The following ZNF804A variants were observed in gnomAD, a reference collection of about 807,000 sequenced individuals.
The protein encoded by ZNF804A is zinc finger protein 804A.
ZNF804A carries 2 observed loss-of-function variants against 16.5 expected under a neutral mutation model. That is an observed-to-expected ratio of 0.12 (90% CI 0.05 to 0.38). ZNF804A has a LOEUF of 0.38. ZNF804A is among the 10% of genes least tolerant of loss of function. The probability of loss-of-function intolerance (pLI) is 0.99; values close to 1 mark genes in which losing one functional copy is unlikely to be tolerated. For synonymous variants in ZNF804A, 534 were observed against 489.6 expected (o/e 1.09, Z -1.20); for missense variants, 1,473 against 1,390.7 (o/e 1.06, Z -0.94).
At chr2:184,861,048 T>C (rs906649497) in intron 1 of ZNF804A, among the ~76,000 whole-genome samples, 1 of 152,190 alleles carries the variant, frequency 6.6e-6, no homozygotes, top group Non-Finnish European at 1.5e-5. Context: ...AGCCTAGGGC[T>C]ATAGAATCTA....
intron 1 of ZNF804A, among the ~76,000 whole-genome samples, chr2:184,674,606 G>C (rs914323247): frequency 2.0e-5 from 3 of 151,678 alleles, no homozygotes; most frequent in Non-Finnish European, 3.0e-5. Context: ...AAAATGAAGA[G>C]GATAAGGGAA....
intron 1 of ZNF804A, among the ~76,000 whole-genome samples, chr2:184,798,736 A>G (rs1168783100): frequency 4.6e-5 from 7 of 152,092 alleles, no homozygotes; most frequent in African/African-American, 1.7e-4. Flanking sequence ...TCTCAGATAA[A>G]TCAGGGATTT....
At chr2:184,677,237 T>C (rs1448051290) in intron 1 of ZNF804A, among the ~76,000 whole-genome samples, 1 of 151,934 alleles carries the variant, frequency 6.6e-6, no homozygotes, top group Non-Finnish European at 1.5e-5. Flanking sequence ...TCAAGAGATA[T>C]AATCAACAAT....
intron 1 of ZNF804A, among the ~76,000 whole-genome samples, chr2:184,599,419 C>T (rs533388341): frequency 1.3e-5 from 2 of 152,112 alleles, no homozygotes; most frequent in African/African-American, 4.8e-5. Context: ...TTTTGTTTGG[C>T]TTAGGAGGCT....
intron 2 of ZNF804A, among the ~76,000 whole-genome samples, chr2:184,885,190 C>T (rs1229048458): frequency 2.6e-5 from 4 of 152,036 alleles, no homozygotes; most frequent in Non-Finnish European, 4.4e-5. Context: ...AAAAAAACGA[C>T]AGGCTCTAGC....
At position 184,897,521 on chromosome 2, in the gene ZNF804A, T is replaced by G. The variant is rs146221353; in HGVS notation, c.255+31009T>G. 3.4e-3 allele frequency among the ~76,000 whole-genome samples: 519 copies of G among 152,150 alleles called. 6 individuals are homozygous for G. Among genetic ancestry groups the G allele is most frequent in the African/African-American group, 0.012 (488 of 41,526 alleles). ...TTTTTGGATGGAGTCACTCATTATG[T>G]GTAGCTCATACTTAATAAGTAAAGT... On this transcript the variant is annotated intron_variant, in intron 2 of 3. Transcript: ENST00000302277.
At chr2:184,599,444 A>G (rs1370528849) in intron 1 of ZNF804A, among the ~76,000 whole-genome samples, 2 of 152,186 alleles carry the variant, frequency 1.3e-5, no homozygotes, top group Non-Finnish European at 2.9e-5. Flanking sequence ...GTGAATGAGG[A>G]TGTGGCTGTC....
At chr2:184,656,676 A>G (rs1394382990) in intron 1 of ZNF804A, among the ~76,000 whole-genome samples, 1 of 151,914 alleles carries the variant, frequency 6.6e-6, no homozygotes, top group African/African-American at 2.4e-5. Context: ...TTGTGTGTGT[A>G]TATATACATA....
chr2:184,682,639 A>G (rs965706412), intron 1 of ZNF804A, among the ~76,000 whole-genome samples: 2 of 152,204 alleles, frequency 1.3e-5, no homozygotes, highest in African/African-American at 2.4e-5. Flanking sequence ...AAAACAAACA[A>G]AATGAATTAT....
chr2:184,640,721 A>T (rs561878027), intron 1 of ZNF804A, among the ~76,000 whole-genome samples: 138 of 152,314 alleles, frequency 9.1e-4, no homozygotes, highest in South Asian at 1.9e-3. Flanking sequence ...TATTAGAATA[A>T]AAGATAAAAG....
intron 1 of ZNF804A, among the ~76,000 whole-genome samples, chr2:184,711,987 T>A (rs1238708098): frequency 6.6e-6 from 1 of 151,768 alleles, no homozygotes; most frequent in Non-Finnish European, 1.5e-5. Flanking sequence ...ATAATTATAA[T>A]CTTTTTCTGT....
chr2:184,605,312 C>T (rs1691127652), intron 1 of ZNF804A, among the ~76,000 whole-genome samples: 1 of 152,012 alleles, frequency 6.6e-6, no homozygotes, highest in Admixed American at 6.6e-5. Flanking sequence ...TTTTATATTG[C>T]TAACCACAAT....
At chr2:184,891,892 T>G (rs1396758085) in intron 2 of ZNF804A, among the ~76,000 whole-genome samples, 1 of 152,226 alleles carries the variant, frequency 6.6e-6, no homozygotes, top group African/African-American at 2.4e-5. Context: ...TTAGTCACAT[T>G]GCAGTGTTTA....
At chr2:184,721,136 A>C (rs953462481) in intron 1 of ZNF804A, among the ~76,000 whole-genome samples, 3 of 152,196 alleles carry the variant, frequency 2.0e-5, no homozygotes, top group African/African-American at 7.2e-5. Context: ...CAAAACTATT[A>C]AAATCCTAGA....
chr2:184,857,806 A>G (rs1695725803), intron 1 of ZNF804A, among the ~76,000 whole-genome samples: 1 of 152,088 alleles, frequency 6.6e-6, no homozygotes, highest in South Asian at 2.1e-4. Context: ...TTGCATGTAC[A>G]TCTTTTTTCA....
chr2:184,620,844 G>T (rs538211368), intron 1 of ZNF804A, among the ~76,000 whole-genome samples: 1 of 151,578 alleles, frequency 6.6e-6, no homozygotes, highest in African/African-American at 2.4e-5. Context: ...ACATCCTATC[G>T]ATATTTTTAT....
intron 1 of ZNF804A, among the ~76,000 whole-genome samples, chr2:184,717,609 G>T (rs72901817): frequency 0.052 from 7,885 of 152,258 alleles, 260 homozygotes; most frequent in Non-Finnish European, 0.077. Context: ...AAGGGTTATT[G>T]CATTACATGT....
chr2:184,856,486 T>C (rs1348219478), intron 1 of ZNF804A, among the ~76,000 whole-genome samples: 2 of 152,142 alleles, frequency 1.3e-5, no homozygotes, highest in Non-Finnish European at 2.9e-5. Context: ...ACTGTGTTGC[T>C]TAGTTACCCT....
intron 1 of ZNF804A, among the ~76,000 whole-genome samples, chr2:184,810,727 T>C (rs890773817): frequency 3.3e-5 from 5 of 152,054 alleles, no homozygotes; most frequent in African/African-American, 1.2e-4. Context: ...CCTGACCTCG[T>C]GACCTGCCCA....
Sources: allele counts gnomAD v4.1 joint callset (sites outside exome capture counted in the v4.1 genomes callset), GRCh38; gene constraint gnomAD v4.1.1; transcripts MANE v1.5; gene names NCBI Gene and HGNC (gene_info 2026-07-23, HGNC 2026-07-21).